The following CFAP92 variants were observed in gnomAD, a reference collection of about 807,000 sequenced individuals.
CFAP92 encodes the protein cilia and flagella associated protein 92 (putative).
In CFAP92, 86 loss-of-function variants were observed where a neutral mutation model predicts 106.3. The ratio of observed to expected loss-of-function variants is 0.81; its 90% confidence interval spans 0.68 to 0.97. The LOEUF (loss-of-function observed/expected upper bound fraction) is 0.97. CFAP92 is among the 50% of genes least tolerant of loss of function. The probability of loss-of-function intolerance (pLI) is 0.00; values close to 1 mark genes in which losing one functional copy is unlikely to be tolerated. For synonymous variants in CFAP92, 477 were observed against 506.4 expected (o/e 0.94, Z 0.78); for missense variants, 1,204 against 1,283.8 (o/e 0.94, Z 0.95).
At position 128,944,924 on chromosome 3, in the gene CFAP92, A is replaced by T. The variant is rs914174498; in HGVS notation, c.2258+147T>A. ...AATCGAGTCTTCAAGTCCAATGACT[A>T]AACCCTGGTAAGTACCTCACAATGA... On this transcript the variant is annotated intron_variant, in intron 10 of 15. Transcript: ENST00000645291. 9.7e-6 allele frequency: 7 copies of T among 722,216 alleles called. No homozygotes were observed. The African/African-American group carries it at 1.1e-4, about 11-fold the overall frequency. The allele number at this position is 722,216 out of a possible 1,614,324, so 44.7% of individuals were successfully genotyped here.
chr3:128,927,112 G>C (rs1222130582), intron 12 of CFAP92, among the ~76,000 whole-genome samples: 1 of 151,900 alleles, frequency 6.6e-6, no homozygotes, highest in Non-Finnish European at 1.5e-5. Flanking sequence ...AAAAGAGAGA[G>C]ATATTAGAGA....
Position 128,994,009 on chromosome 3 carries a change from G to A in CFAP92, c.-62C>T, listed in dbSNP as rs1576660623. 1.0e-6 allele frequency: 1 copy of A among 987,412 alleles called. No individual in the cohort carries two copies. The highest frequency in any genetic ancestry group is 1.1e-4 in the East Asian group (1 of 8,830). The allele number at this position is 987,412 out of a possible 1,614,324, so 61.2% of individuals were successfully genotyped here. On this transcript the variant is annotated 5_prime_UTR_variant, in exon 1 of 16. Transcript: ENST00000645291. ...GAGCGGATGCGCTGGGCGGCAGCGG[G>A]GAGTTGGACCGCGGCGGCAACTCCC...
chr3:128,943,237 G>T (rs752410840), intron 10 of CFAP92, among the ~76,000 whole-genome samples: 1 of 151,984 alleles, frequency 6.6e-6, no homozygotes, highest in South Asian at 2.1e-4. Flanking sequence ...CTTTTAAAGC[G>T]CATGAATGAG....
In CFAP92 at chr3:128,910,320, TTTC is replaced by T. The variant is rs1189297632; in HGVS notation, c.3291_3293del (p.Lys1098del). On this transcript the variant is annotated inframe_deletion, in exon 16 of 16. Coordinates refer to ENST00000645291, the MANE Select transcript of CFAP92 (RefSeq NM_001394090.1). ...CTGCTCAGGAGATGGGGCTGTTCCC[TTTC>T]TTCTTCCTGACTGAGAGAAGAGGGG... is the stretch of plus-strand genomic sequence containing the variant. 2.0e-6 allele frequency: 3 copies of T among 1,479,698 alleles called. No individual in the cohort carries two copies. Among genetic ancestry groups the T allele is most frequent in the African/African-American group, 1.4e-5 (1 of 71,544 alleles). The allele number at this position is 1,479,698 out of a possible 1,614,324, so 91.7% of individuals were successfully genotyped here. A position where few individuals can be genotyped will look rare whatever the true frequency, so the allele number is the denominator to read the frequency against.
intron 10 of CFAP92, among the ~76,000 whole-genome samples, chr3:128,940,780 A>G (rs1421574980): frequency 1.3e-5 from 2 of 152,074 alleles, no homozygotes; most frequent in African/African-American, 4.8e-5. Context: ...AAGTTCTTCT[A>G]TCTTGTTCTT....
intron 9 of CFAP92, among the ~76,000 whole-genome samples, chr3:128,961,196 T>A (rs2107759449): frequency 6.6e-6 from 1 of 152,302 alleles, no homozygotes; most frequent in Non-Finnish European, 1.5e-5. Flanking sequence ...AAATAATTCT[T>A]GTCGTAAAAT....
At chr3:128,983,553 C>T (rs921082435) in intron 4 of CFAP92, among the ~76,000 whole-genome samples, 18 of 152,004 alleles carry the variant, frequency 1.2e-4, no homozygotes, top group African/African-American at 3.9e-4. Flanking sequence ...ACATGGCAGC[C>T]ACCAAGAATG....
chr3:129,024,825 C>T, the CFAP92 span, among the ~76,000 whole-genome samples: 2 of 152,154 alleles, frequency 1.3e-5, no homozygotes, highest in East Asian at 1.9e-4. Context: ...GTTTCCAACA[C>T]GTGAACTTTG....
At chr3:128,912,155 G>T (rs1234134937) in intron 15 of CFAP92, among the ~76,000 whole-genome samples, 3 of 152,308 alleles carry the variant, frequency 2.0e-5, no homozygotes, top group South Asian at 2.1e-4. Context: ...GGGTAGCCCA[G>T]ACACCCCCCC....
intron 10 of CFAP92, among the ~76,000 whole-genome samples, chr3:128,942,379 C>T (rs1168408324): frequency 6.6e-6 from 1 of 152,210 alleles, no homozygotes; most frequent in Non-Finnish European, 1.5e-5. Context: ...TCGCCCCAGC[C>T]CTGGCGGCCA....
intron 10 of CFAP92, 132 bp from the exon 11 acceptor site, chr3:128,935,451 C>T: frequency 3.6e-6 from 2 of 548,710 alleles, no homozygotes; most frequent in Admixed American, 3.1e-5. Flanking sequence ...GTGACTCACG[C>T]CTATAATCCC....
chr3:128,953,615 C>CTCTCCCTCCCTCTCCG (rs1299364535), intron 9 of CFAP92, among the ~76,000 whole-genome samples: 26 of 129,516 alleles, frequency 2.0e-4, no homozygotes, highest in Non-Finnish European at 3.6e-4. Flanking sequence ...CTCCCTCTCC[C>CTCTCCCTCCCTCTCCG]TCTCCCTCCC....
At chr3:129,023,381 C>T in the CFAP92 span, among the ~76,000 whole-genome samples, 7 of 149,710 alleles carry the variant, frequency 4.7e-5, no homozygotes, top group East Asian at 7.9e-4. Context: ...CAGGCTAGAG[C>T]GCAGTGGTGC....
At chr3:128,956,334 GAACT>G (rs1253569593) in intron 9 of CFAP92, among the ~76,000 whole-genome samples, 1 of 150,836 alleles carries the variant, frequency 6.6e-6, no homozygotes, top group Non-Finnish European at 1.5e-5. Flanking sequence ...TAAAACAAAA[GAACT>G]AATATTCATG....
chr3:128,964,518 G>A (rs888311362), intron 9 of CFAP92, among the ~76,000 whole-genome samples: 1 of 152,006 alleles, frequency 6.6e-6, no homozygotes, highest in African/African-American at 2.4e-5. Flanking sequence ...GATATCTCCT[G>A]GTGCTATCCC....
At chr3:128,911,994 T>C (rs1188726558) in intron 15 of CFAP92, among the ~76,000 whole-genome samples, 3 of 152,220 alleles carry the variant, frequency 2.0e-5, no homozygotes, top group Admixed American at 2.0e-4. Flanking sequence ...CCCAGCTCAG[T>C]CTACCTCTGA....
At chr3:128,958,368 G>A (rs1941610617) in intron 9 of CFAP92, among the ~76,000 whole-genome samples, 1 of 152,166 alleles carries the variant, frequency 6.6e-6, no homozygotes, top group African/African-American at 2.4e-5. Context: ...CATCTCAAGT[G>A]CTGTGACAGT....
chr3:128,976,132 T>C (rs1444224044), intron 6 of CFAP92, among the ~76,000 whole-genome samples: 1 of 152,166 alleles, frequency 6.6e-6, no homozygotes, highest in African/African-American at 2.4e-5. Flanking sequence ...CCTGAAATTC[T>C]CCATTTCTAC....
chr3:128,957,747 G>T (rs1290464782), intron 9 of CFAP92, among the ~76,000 whole-genome samples: 1 of 152,190 alleles, frequency 6.6e-6, no homozygotes, highest in African/African-American at 2.4e-5. Context: ...ATCCTGGAGT[G>T]GGGGAGAAGG....
Sources: allele counts gnomAD v4.1 joint callset (sites outside exome capture counted in the v4.1 genomes callset), GRCh38; gene constraint gnomAD v4.1.1; transcripts MANE v1.5; gene names NCBI Gene and HGNC (gene_info 2026-07-23, HGNC 2026-07-21).